The following THSD7A variants were observed in gnomAD, a reference collection of about 807,000 sequenced individuals.
THSD7A encodes thrombospondin type 1 domain containing 7A.
In THSD7A, 96 loss-of-function variants were observed where a neutral mutation model predicts 231.3. That is an observed-to-expected ratio of 0.41 (90% CI 0.35 to 0.49). The LOEUF is 0.49. Ranked by LOEUF, THSD7A falls within the 20% of genes least tolerant of loss-of-function variation. The pLI, the probability that THSD7A is intolerant of heterozygous loss-of-function variation, is 0.05. For missense variants in THSD7A, 2,290 were observed against 2,070.2 expected (o/e 1.11, Z -2.06); for synonymous variants, 940 against 743.3 (o/e 1.26, Z -4.30).
intron 6 of THSD7A, among the ~76,000 whole-genome samples, chr7:11,486,197 TA>T (rs1467598536): frequency 6.6e-6 from 1 of 152,232 alleles, no homozygotes. Flanking sequence ...CTTAAGGTCT[TA>T]CAAGAGTAGC....
intron 1 of THSD7A, among the ~76,000 whole-genome samples, chr7:11,648,637 C>CGTGTGTGTGTGTGTGTGT (rs3031455): frequency 0.054 from 7,599 of 141,000 alleles, 309 homozygotes; most frequent in Admixed American, 0.081. Flanking sequence ...TATTTTGTGG[C>CGTGTGTGTGTGTGTGTGT]GTGTGTGTGT....
At chr7:11,538,552 T>A (rs892331053) in intron 6 of THSD7A, among the ~76,000 whole-genome samples, 4 of 152,108 alleles carry the variant, frequency 2.6e-5, no homozygotes, top group African/African-American at 9.7e-5. Flanking sequence ...AAAATTAAAA[T>A]AGGGCGGGTT....
chr7:11,795,921 T>C (rs1363598276), intron 1 of THSD7A, among the ~76,000 whole-genome samples: 1 of 151,406 alleles, frequency 6.6e-6, no homozygotes, highest in Non-Finnish European at 1.5e-5. Context: ...TCAATTATTT[T>C]AAAATGAAGT....
At chr7:11,824,396 T>C (rs1285185969) in intron 1 of THSD7A, among the ~76,000 whole-genome samples, 1 of 152,072 alleles carries the variant, frequency 6.6e-6, no homozygotes, top group African/African-American at 2.4e-5. Flanking sequence ...CAAACTACAA[T>C]CGCACTTCAC....
intron 2 of THSD7A, among the ~76,000 whole-genome samples, chr7:11,616,049 T>C (rs1781092545): frequency 6.6e-6 from 1 of 152,202 alleles, no homozygotes; most frequent in South Asian, 2.1e-4. Flanking sequence ...ATTACTAATG[T>C]CATAGTGCTA....
At chr7:11,631,365 T>C (rs76091122) in intron 2 of THSD7A, among the ~76,000 whole-genome samples, 3,680 of 152,284 alleles carry the variant, frequency 0.024, 69 homozygotes, top group Non-Finnish European at 0.041. Context: ...TGGAGTAAAA[T>C]TGCCTTTACT....
At chr7:11,543,172 C>A in intron 4 of THSD7A, 55 bp from the exon 5 acceptor site, 1 of 1,493,878 alleles carries the variant, frequency 6.7e-7, no homozygotes, top group Admixed American at 1.9e-5. Flanking sequence ...CATATATGGC[C>A]AACAATATGA....
intron 6 of THSD7A, among the ~76,000 whole-genome samples, chr7:11,511,987 G>A (rs1787828487): frequency 6.6e-6 from 1 of 152,152 alleles, no homozygotes; most frequent in African/African-American, 2.4e-5. Flanking sequence ...TATTATCAGA[G>A]TGAACAGGCA....
Position 11,636,384 on chromosome 7 carries a change from A to G in THSD7A, c.768T>C (p.His256=), listed in dbSNP as rs760020030. 6.2e-7 allele frequency: 1 copy of G among 1,613,832 alleles called. No individual in the cohort carries two copies. The highest frequency in any genetic ancestry group is 8.5e-7 in the Non-Finnish European group (1 of 1,179,888). Residue 256 remains histidine (H), a synonymous_variant, in exon 2 of 28, where the codon CAT becomes CAC. Coordinates refer to ENST00000423059, the MANE Select transcript of THSD7A (RefSeq NM_015204.3). This position sits in a 1 kb window ranked among gnomAD's most constrained non-coding sequence, Gnocchi z 10.0. ...CEAEELRYSL[H]VGPWSTCSMP... ...TTGAGCAGGTGCTCCAGGGCCCCAC[A>G]TGCAGGCTGTACCTGAGCTCCTCGG...
chr7:11,457,366 A>C (rs1001652961), intron 11 of THSD7A, among the ~76,000 whole-genome samples: 2 of 137,500 alleles, frequency 1.5e-5, no homozygotes, highest in Non-Finnish European at 2.9e-5. Flanking sequence ...AAAATGTTAG[A>C]GTTAAAGAGT....
In THSD7A at chr7:11,481,971, C is replaced by A. The variant is rs1203428935; in HGVS notation, c.1834G>T (p.Asp612Tyr). The A allele has an allele frequency of 1.3e-6, 2 of 1,595,690 alleles. No individual in the cohort carries two copies. Among genetic ancestry groups the A allele is most frequent in the Non-Finnish European group, 1.7e-6 (2 of 1,169,830 alleles). Residue 612 changes from aspartate to tyrosine, a missense_variant, in exon 7 of 28, where the codon GAC becomes TAC. Asp to Tyr is a radical substitution (Grantham distance 160, BLOSUM62 -3). Transcript: ENST00000423059. ...ATGGCATCTCTGCACAGCTGTCTGT[C>A]AACTTCTTCTCCTGGGGAAAACATG... The part of the protein sequence containing the change: ...VCINSDGEEV[D>Y]RQLCRDAIFP...
chr7:11,553,344 G>T (rs1185951671), intron 4 of THSD7A, among the ~76,000 whole-genome samples: 1 of 151,974 alleles, frequency 6.6e-6, no homozygotes, highest in African/African-American at 2.4e-5. Context: ...CATATTAATT[G>T]TAAATCACAG....
At chr7:11,538,016 T>C (rs1247178945) in intron 6 of THSD7A, among the ~76,000 whole-genome samples, 3 of 152,226 alleles carry the variant, frequency 2.0e-5, no homozygotes, top group Non-Finnish European at 4.4e-5. Context: ...TTCATTACTC[T>C]TATACTGTAA....
chr7:11,710,949 C>T (rs1250059901), intron 1 of THSD7A, among the ~76,000 whole-genome samples: 2 of 150,554 alleles, frequency 1.3e-5, no homozygotes, highest in Non-Finnish European at 3.0e-5. Flanking sequence ...CTGAAGAGAG[C>T]CAACAAAATA....
At chr7:11,603,069 C>T (rs970212731) in intron 2 of THSD7A, among the ~76,000 whole-genome samples, 45 of 150,630 alleles carry the variant, frequency 3.0e-4, no homozygotes, top group African/African-American at 1.1e-3. Context: ...GCAAAAGAAA[C>T]TACCATCAGA....
At chr7:11,405,026 G>A (rs188438745) in intron 22 of THSD7A, among the ~76,000 whole-genome samples, 1 of 152,034 alleles carries the variant, frequency 6.6e-6, no homozygotes, top group Admixed American at 6.6e-5. Flanking sequence ...CAATACAATA[G>A]TTGGATATTT....
At chr7:11,703,359 G>A (rs1019609647) in intron 1 of THSD7A, among the ~76,000 whole-genome samples, 1 of 151,052 alleles carries the variant, frequency 6.6e-6, no homozygotes, top group East Asian at 2.0e-4. Flanking sequence ...TTTCTTCTTT[G>A]CAGTTTGGGA....
intron 6 of THSD7A, among the ~76,000 whole-genome samples, chr7:11,505,461 A>G (rs200969278): frequency 7.1e-6 from 1 of 141,776 alleles, no homozygotes; most frequent in Non-Finnish European, 1.6e-5. Flanking sequence ...TTTTTTTTTT[A>G]ATTTAAAAGA....
At chr7:11,498,744 A>G (rs1787212892) in intron 6 of THSD7A, among the ~76,000 whole-genome samples, 1 of 152,080 alleles carries the variant, frequency 6.6e-6, no homozygotes, top group Non-Finnish European at 1.5e-5. Context: ...AAATGTCCCT[A>G]CTTCCCTGGG....
Sources: gnomAD v4.1 joint callset for allele counts (sites outside exome capture counted in the v4.1 genomes callset) on GRCh38, gnomAD v4.1.1 for gene constraint, Gnocchi (gnomAD v3.1) non-coding constraint, MANE v1.5 for transcripts, NCBI Gene and HGNC (gene_info 2026-07-23, HGNC 2026-07-21) for gene names.